SRGAP3: variants seen among roughly 807,000 people sequenced by gnomAD.
SRGAP3 encodes SLIT-ROBO Rho GTPase activating protein 3.
Under a neutral mutation model 121.1 loss-of-function variants are expected in SRGAP3, and 39 were observed. The observed-to-expected ratio is 0.32, with a 90% CI of 0.25 to 0.42. SRGAP3 has a LOEUF of 0.42. Ranked by LOEUF, SRGAP3 falls within the 10% of genes least tolerant of loss-of-function variation. SRGAP3 has a pLI of 1.00. For missense variants in SRGAP3, 1,213 were observed against 1,470.6 expected (o/e 0.82, Z 2.86); for synonymous variants, 601 against 570.0 (o/e 1.05, Z -0.77).
intron 1 of SRGAP3, among the ~76,000 whole-genome samples, chr3:9,133,666 A>G (rs2125011932): frequency 6.6e-6 from 1 of 152,350 alleles, no homozygotes; most frequent in East Asian, 1.9e-4. Context: ...GAATAATCAT[A>G]CACAGGCTTC....
chr3:9,315,495 A>G (rs1441379904), intron 3 of SRGAP3, among the ~76,000 whole-genome samples: 1 of 152,198 alleles, frequency 6.6e-6, no homozygotes, highest in Non-Finnish European at 1.5e-5. Context: ...AGACAAGGAG[A>G]AAACACAAAT....
chr3:9,089,517 CAAGGA>C (rs1445382878), intron 3 of SRGAP3, among the ~76,000 whole-genome samples: 2 of 152,196 alleles, frequency 1.3e-5, no homozygotes, highest in Non-Finnish European at 2.9e-5. Context: ...GTCCAGACCA[CAAGGA>C]AAGTACAAAG....
chr3:9,045,102 C>T (rs1459968240), intron 10 of SRGAP3, among the ~76,000 whole-genome samples: 1 of 148,400 alleles, frequency 6.7e-6, no homozygotes, highest in Non-Finnish European at 1.5e-5. Context: ...AATAACAGGA[C>T]AAACTAGATG....
intron 3 of SRGAP3, among the ~76,000 whole-genome samples, chr3:9,278,435 G>A (rs142028522): frequency 6.6e-6 from 1 of 152,214 alleles, no homozygotes; most frequent in Non-Finnish European, 1.5e-5. Flanking sequence ...CACCAGCCAA[G>A]TGTGCATGTG....
At chr3:9,104,219 ATC>A (rs1948325372) in intron 3 of SRGAP3, among the ~76,000 whole-genome samples, 1 of 152,186 alleles carries the variant, frequency 6.6e-6, no homozygotes, top group South Asian at 2.1e-4. Flanking sequence ...ATGCATTATG[ATC>A]TGATTTAGAA....
chr3:9,004,664 C>A (rs1188000487), intron 18 of SRGAP3, among the ~76,000 whole-genome samples: 1 of 152,126 alleles, frequency 6.6e-6, no homozygotes, highest in African/African-American at 2.4e-5. Flanking sequence ...TAAGACCATT[C>A]AATGTGGAAA....
At chr3:9,219,787 C>T (rs1408040114) in intron 1 of SRGAP3, among the ~76,000 whole-genome samples, 1 of 152,000 alleles carries the variant, frequency 6.6e-6, no homozygotes, top group Non-Finnish European at 1.5e-5. Flanking sequence ...GGAGGTGGAG[C>T]TTGCAGTGAG....
intron 2 of SRGAP3, among the ~76,000 whole-genome samples, chr3:9,330,059 T>C (rs142344015): frequency 6.6e-6 from 1 of 152,212 alleles, no homozygotes; most frequent in East Asian, 1.9e-4. Flanking sequence ...CCAGGCCTAA[T>C]GCATAAGCCA....
intron 2 of SRGAP3, among the ~76,000 whole-genome samples, chr3:9,120,458 TTG>T (rs1184971920): frequency 6.6e-6 from 1 of 152,236 alleles, no homozygotes; most frequent in Admixed American, 6.5e-5. Flanking sequence ...TCATTTATCT[TTG>T]TGTCTTCGGC....
chr3:9,039,751 A>C (rs1944933003), intron 10 of SRGAP3, among the ~76,000 whole-genome samples: 1 of 152,238 alleles, frequency 6.6e-6, no homozygotes, highest in Non-Finnish European at 1.5e-5. Context: ...GGTCTTCTGC[A>C]TCTGGCTTCT....
chr3:9,070,528 G>C (rs956405457), intron 4 of SRGAP3, among the ~76,000 whole-genome samples: 1 of 152,234 alleles, frequency 6.6e-6, no homozygotes, highest in East Asian at 1.9e-4. Flanking sequence ...GGCTGGGCTG[G>C]CTGGATCAAC....
chr3:9,081,127 C>G (rs1238853314), intron 3 of SRGAP3: 1 of 352,850 alleles, frequency 2.8e-6, no homozygotes, highest in South Asian at 2.2e-5. Context: ...GCAGCTGGCA[C>G]CCACTTGGAC....
chr3:9,136,198 A>C (rs1949641239), intron 1 of SRGAP3, among the ~76,000 whole-genome samples: 1 of 151,704 alleles, frequency 6.6e-6, no homozygotes, highest in Non-Finnish European at 1.5e-5. Context: ...TAGGCCCTGC[A>C]CAAAAGACTC....
intron 2 of SRGAP3, among the ~76,000 whole-genome samples, chr3:9,111,743 C>T (rs1448107229): frequency 6.6e-6 from 1 of 152,280 alleles, no homozygotes; most frequent in East Asian, 1.9e-4. Flanking sequence ...GTGCCAGCAG[C>T]CACTTTTGTC....
chr3:9,101,429 C>A (rs749087729), intron 3 of SRGAP3, among the ~76,000 whole-genome samples: 1 of 152,230 alleles, frequency 6.6e-6, no homozygotes. Flanking sequence ...GCCACAGACG[C>A]AGCACCCGGT....
At chr3:9,196,205 C>A (rs1042146160) in intron 1 of SRGAP3, among the ~76,000 whole-genome samples, 1 of 152,150 alleles carries the variant, frequency 6.6e-6, no homozygotes, top group Admixed American at 6.5e-5. Flanking sequence ...GTCTGCCCAG[C>A]GGGGCGGGGT....
At chr3:9,003,269 C>T (rs930844788) in intron 18 of SRGAP3, among the ~76,000 whole-genome samples, 3 of 152,118 alleles carry the variant, frequency 2.0e-5, no homozygotes, top group Non-Finnish European at 2.9e-5. Context: ...AACTTGAGGT[C>T]AGGAGTTTGA....
Position 9,079,731 on chromosome 3 carries a change from C to T in SRGAP3, c.486+294G>A, listed in dbSNP as rs540276742. On this transcript the variant is annotated intron_variant, in intron 4 of 21. Transcript: ENST00000383836. ...GCCTTCACACTCACACTCCCCCGGCCTTGACTTTGTGCCCTCTGTTCTTGC... is the reference window on the plus strand; with the variant it reads ...GCCTTCACACTCACACTCCCCCGGCTTTGACTTTGTGCCCTCTGTTCTTGC... Among the ~76,000 whole-genome samples the T allele has an allele frequency of 3.0e-4, 46 of 152,328 alleles. No individual in the cohort carries two copies. The South Asian group carries it at 8.7e-3, about 29-fold the overall frequency.
intron 20 of SRGAP3, among the ~76,000 whole-genome samples, chr3:8,992,224 C>T (rs765161687): frequency 3.9e-5 from 6 of 152,176 alleles, no homozygotes; most frequent in Non-Finnish European, 8.8e-5. Context: ...TAGAATATGA[C>T]ATTTTGAGAG....
Sources: gnomAD v4.1 joint callset for allele counts (sites outside exome capture counted in the v4.1 genomes callset) on GRCh38, gnomAD v4.1.1 for gene constraint, MANE v1.5 for transcripts, NCBI Gene and HGNC (gene_info 2026-07-23, HGNC 2026-07-21) for gene names.